RDH14: variants seen among roughly 807,000 people sequenced by gnomAD.
RDH14 encodes the protein alcohol dehydrogenase PAN2.
Under a neutral mutation model 19.3 loss-of-function variants are expected in RDH14, and 17 were observed. The ratio of observed to expected loss-of-function variants is 0.88; its 90% confidence interval spans 0.60 to 1.32. The LOEUF (loss-of-function observed/expected upper bound fraction) is 1.32. RDH14 is among the 40% of genes most tolerant of loss of function. RDH14 has a pLI of 0.00. For synonymous variants in RDH14, 215 were observed against 188.9 expected, an observed-to-expected ratio of 1.14 and a Z score of -1.13; for missense variants, 534 against 449.2, an observed-to-expected ratio of 1.19 and a Z score of -1.71.
At position 18,555,517 on chromosome 2, in the gene RDH14, T is replaced by TGG; in HGVS notation, c.683_684dup (p.Arg229ProfsTer4). 1.2e-6 allele frequency: 2 copies of TGG among 1,614,200 alleles called. No homozygotes were observed. Among genetic ancestry groups the TGG allele is most frequent in the Non-Finnish European group, 1.7e-6 (2 of 1,179,998 alleles). Reference sequence around the variant, plus strand: ...CCTTCTAAGCGGCGGGCTAGTTCCCTGGTAAAAAGAATGTTAGCCAGTTTG... The same window carrying TGG: ...CCTTCTAAGCGGCGGGCTAGTTCCCTGGGGTAAAAAGAATGTTAGCCAGTTTG... On this transcript the variant is annotated frameshift_variant, in exon 2 of 2. Transcript: ENST00000381249. LOFTEE classifies it high-confidence loss of function.
At chr2:18,557,300 T>A (rs1357757845) in intron 1 of RDH14, among the ~76,000 whole-genome samples, 1 of 152,216 alleles carries the variant, frequency 6.6e-6, no homozygotes, top group Non-Finnish European at 1.5e-5. Context: ...CACTGGCCCT[T>A]CTGCCAACTA....
Position 18,560,596 on chromosome 2 carries a change from C to T in RDH14, c.-24G>A, listed in dbSNP as rs1482664728. 6.4e-6 allele frequency: 9 copies of T among 1,409,278 alleles called. No individual in the cohort carries two copies. The highest frequency in any genetic ancestry group is 8.2e-6 in the Non-Finnish European group (9 of 1,093,278). The allele number at this position is 1,409,278 out of a possible 1,614,324, so 87.3% of individuals were successfully genotyped here. On this transcript the variant is annotated 5_prime_UTR_variant, in exon 1 of 2. Coordinates refer to ENST00000381249, the MANE Select transcript of RDH14 (RefSeq NM_020905.4). ...ATCGTCAGGCCCGAGGGCCCACCGG[C>T]CCCTCCACGGGAGTTCCGCAGCCGC...
chr2:18,556,755 T>G (rs1663934014), intron 1 of RDH14, among the ~76,000 whole-genome samples: 1 of 152,222 alleles, frequency 6.6e-6, no homozygotes, highest in Non-Finnish European at 1.5e-5. Context: ...ACAGACCATA[T>G]GCTGTAGAAA....
intron 1 of RDH14, among the ~76,000 whole-genome samples, chr2:18,556,384 T>G (rs1336084864): frequency 7.9e-5 from 12 of 152,160 alleles, no homozygotes. Context: ...ATATCAAAAT[T>G]ATAAGTGTAC....
Position 18,555,142 on chromosome 2 carries a change from A to AATATCTGT in RDH14, c.*48_*49insACAGATAT. 1 of 1,580,024 alleles carries AATATCTGT rather than the reference A, an allele frequency of 6.3e-7. No homozygotes were observed. The highest frequency in any genetic ancestry group is 8.6e-7 in the Non-Finnish European group (1 of 1,163,608). The stretch of plus-strand genomic sequence containing the variant: ...CTCAATCCACACCATTCCTGATCAC[A>AATATCTGT]GATATAACTGATATGCAGTTTTATA... On this transcript the variant is annotated 3_prime_UTR_variant, in exon 2 of 2. Transcript: ENST00000381249.
Position 18,555,492 on chromosome 2 carries a change from C to A in RDH14, c.710G>T (p.Gly237Val). The change falls in exon 2 of 2, where the codon GGC becomes GTC. Residue 237 changes from glycine to valine, a missense_variant. Gly to Val is a moderately radical substitution (Grantham distance 109). Transcript: ENST00000381249. ...CAACACATTGACGGTGACATTTGTG[C>A]CTTCTAAGCGGCGGGCTAGTTCCCT... is the stretch of plus-strand genomic sequence containing the variant. The part of the protein sequence containing the change: ...FTRELARRLE[G>V]TNVTVNVLHP... 1 of 1,614,120 alleles carries A rather than the reference C, an allele frequency of 6.2e-7. No homozygotes were observed. Among genetic ancestry groups the A allele is most frequent in the East Asian group, 2.2e-5 (1 of 44,888 alleles).
At chr2:18,558,901 G>C (rs1170004858) in intron 1 of RDH14, among the ~76,000 whole-genome samples, 3 of 152,136 alleles carry the variant, frequency 2.0e-5, no homozygotes, top group Non-Finnish European at 4.4e-5. Context: ...GAGAACCAAT[G>C]TATACCTTAC....
At position 18,560,203 on chromosome 2, in the gene RDH14, C is replaced by T. The variant is rs1343531902; in HGVS notation, c.370G>A (p.Ala124Thr). Residue 124 changes from alanine to threonine, a missense_variant, in exon 1 of 2, where the codon GCC becomes ACC. Physicochemically the swap from Ala to Thr is moderately conservative, Grantham distance 58. Coordinates refer to ENST00000381249, the MANE Select transcript of RDH14 (RefSeq NM_020905.4). Reference sequence around the variant, plus strand: ...ACCTGGAGCATTTCCTGGCAGAAGGCGCGCACCGAGCGCAGCGAGGCGAGG... The same window carrying T: ...ACCTGGAGCATTTCCTGGCAGAAGGTGCGCACCGAGCGCAGCGAGGCGAGG... The part of the protein sequence containing the change: ...LDLASLRSVR[A>T]FCQEMLQEEP... 3.9e-6 allele frequency: 6 copies of T among 1,527,850 alleles called. No homozygotes were observed. The Admixed American group carries it at 9.9e-5, about 25-fold the overall frequency. The allele number at this position is 1,527,850 out of a possible 1,614,324, so 94.6% of individuals were successfully genotyped here.
chr2:18,554,831 T>C lies in RDH14; in HGVS notation c.*360A>G, dbSNP rs1363395645. 2 of 192,752 alleles carry C rather than the reference T, an allele frequency of 1.0e-5. No homozygotes were observed. The highest frequency in any genetic ancestry group is 1.3e-4 in the East Asian group (1 of 7,754). The allele number at this position is 192,752 out of a possible 1,614,324, so 11.9% of individuals were successfully genotyped here. A position where few individuals can be genotyped will look rare whatever the true frequency, so the allele number is the denominator to read the frequency against. On this transcript the variant is annotated 3_prime_UTR_variant, in exon 2 of 2. Coordinates refer to ENST00000381249, the MANE Select transcript of RDH14 (RefSeq NM_020905.4). ...ATTGTAGTAAAACTAGTTAACACTT[T>C]GGCCATGAAACTCAAAGATACTTGA...
rs1440843395 is a variant in RDH14 at position 18,560,260 on chromosome 2, C to G, written c.313G>C (p.Gly105Arg). ...AECGPEPGVS[G>R]VGELIVRELD... The stretch of plus-strand genomic sequence containing the variant: ...TCCCGGACTATGAGCTCGCCCACCC[C>G]GCTGACGCCAGGCTCTGGGCCGCAC... The change falls in exon 1 of 2, where the codon GGG (glycine) becomes CGG (arginine). Residue 105 changes from glycine to arginine, a missense_variant. Gly to Arg is a moderately radical substitution (Grantham distance 125). Coordinates refer to ENST00000381249, the MANE Select transcript of RDH14 (RefSeq NM_020905.4). The G allele has an allele frequency of 2.0e-6, 3 of 1,520,644 alleles. No individual in the cohort carries two copies. Among genetic ancestry groups the G allele is most frequent in the African/African-American group, 2.8e-5 (2 of 70,696 alleles). 94.2% of individuals were successfully genotyped at this position (1,520,644 alleles called of 1,614,324 possible).
chr2:18,558,803 TA>T (rs2148054770), intron 1 of RDH14, among the ~76,000 whole-genome samples: 1 of 152,376 alleles, frequency 6.6e-6, no homozygotes, highest in South Asian at 2.1e-4. Flanking sequence ...AGTAAAAGGC[TA>T]ATCAAAGACC....
chr2:18,559,827 C>T (rs1664038623), intron 1 of RDH14, among the ~76,000 whole-genome samples: 1 of 152,140 alleles, frequency 6.6e-6, no homozygotes, highest in South Asian at 2.1e-4. Context: ...TGCAAATTCA[C>T]TTCTGACACA....
rs541421774 is a variant in RDH14, at chr2:18,560,447, G to T, written c.126C>A (p.His42Gln). The T allele has an allele frequency of 3.3e-6, 5 of 1,514,278 alleles. No homozygotes were observed. The highest frequency in any genetic ancestry group is 1.2e-5 in the South Asian group (1 of 82,156). The allele number at this position is 1,514,278 out of a possible 1,614,324, so 93.8% of individuals were successfully genotyped here. ...CCCCGGTGATCAGCACAGTCTTCCCGTGCATGAGGCCGGGGTCCCCGCCTC... is the reference window on the plus strand; with the variant it reads ...CCCCGGTGATCAGCACAGTCTTCCCTTGCATGAGGCCGGGGTCCCCGCCTC... ...LRRGGDPGLM[H>Q]GKTVLITGAN... The change falls in exon 1 of 2, where the codon CAC becomes CAA. Residue 42 changes from histidine to glutamine, a missense_variant. His to Gln is a conservative substitution (Grantham distance 24). Transcript: ENST00000381249.
In RDH14 at chr2:18,555,095, C is replaced by A. The variant is rs1052293743; in HGVS notation, c.*96G>T. ...AGCAGGCTATTCCAATATCAAAATT[C>A]TTTTTCTTCAAGTAACAAGTTCTCA... On this transcript the variant is annotated 3_prime_UTR_variant, in exon 2 of 2. Coordinates refer to ENST00000381249, the MANE Select transcript of RDH14 (RefSeq NM_020905.4). 4.0e-6 allele frequency: 6 copies of A among 1,511,566 alleles called. No individual in the cohort carries two copies. Among genetic ancestry groups the A allele is most frequent in the South Asian group, 1.4e-5 (1 of 73,530 alleles). 93.6% of individuals were successfully genotyped at this position (1,511,566 alleles called of 1,614,324 possible). A position where few individuals can be genotyped will look rare whatever the true frequency, so the allele number is the denominator to read the frequency against.
chr2:18,558,631 CAA>C (rs1191719199), intron 1 of RDH14, among the ~76,000 whole-genome samples: 3 of 152,194 alleles, frequency 2.0e-5, no homozygotes, highest in Non-Finnish European at 2.9e-5. Context: ...AAGTGCCAAA[CAA>C]AAGACAGAAC....
In RDH14 at chr2:18,555,453, A is replaced by G. The variant is rs141569821; in HGVS notation, c.749T>C (p.Val250Ala). The change falls in exon 2 of 2, where the codon GTA (valine) becomes GCA (alanine). Residue 250 changes from valine (V) to alanine (A), a missense_variant. By Grantham distance (64) the Val-to-Ala change is moderately conservative. Transcript: ENST00000381249. ...TATGTGCCTCCCCAGATTTGTCCGT[A>G]CAATACCAGGATGCAACACATTGAC... ...VTVNVLHPGI[V>A]RTNLGRHIHI... 3,185 of 1,614,186 alleles carry G rather than the reference A, an allele frequency of 2.0e-3. 6 individuals carry two copies. Among genetic ancestry groups the G allele is most frequent in the Non-Finnish European group, 2.4e-3 (2,861 of 1,180,004 alleles).
chr2:18,557,411 G>A (rs1421860057), intron 1 of RDH14, among the ~76,000 whole-genome samples: 1 of 152,130 alleles, frequency 6.6e-6, no homozygotes, highest in African/African-American at 2.4e-5. Flanking sequence ...GCATCTTTGG[G>A]TTTTCCAATA....
chr2:18,560,565 A>G lies in RDH14; in HGVS notation c.8T>C (p.Val3Ala). MA[V>A]ATAAAVLAAL... Reference sequence around the variant, plus strand: ...GGCCAGTACTGCCGCCGCAGTGGCCACTGCCATCGTCAGGCCCGAGGGCCC... The same window carrying G: ...GGCCAGTACTGCCGCCGCAGTGGCCGCTGCCATCGTCAGGCCCGAGGGCCC... Residue 3 changes from valine (V) to alanine (A), a missense_variant, in exon 1 of 2, where the codon GTG (valine) becomes GCG (alanine). By Grantham distance (64) the Val-to-Ala change is moderately conservative. Transcript: ENST00000381249. 1 of 1,484,294 alleles carries G rather than the reference A, an allele frequency of 6.7e-7. No homozygotes were observed. Among genetic ancestry groups the G allele is most frequent in the Non-Finnish European group, 8.9e-7 (1 of 1,126,708 alleles). The allele number at this position is 1,484,294 out of a possible 1,614,324, so 91.9% of individuals were successfully genotyped here.
At chr2:18,559,685 G>A (rs186807042) in intron 1 of RDH14, among the ~76,000 whole-genome samples, 15 of 152,210 alleles carry the variant, frequency 9.9e-5, no homozygotes, top group African/African-American at 3.6e-4. Flanking sequence ...GTTTACTGGT[G>A]GCAGCGAGCT....
Sources: gnomAD v4.1 joint callset for allele counts (sites outside exome capture counted in the v4.1 genomes callset) on GRCh38, gnomAD v4.1.1 for gene constraint, MANE v1.5 for transcripts, NCBI Gene and HGNC (gene_info 2026-07-23, HGNC 2026-07-21) for gene names.